Variants in COL2A1 observed in about 807,000 individuals in gnomAD.
COL2A1 encodes the protein collagen type II alpha 1 chain.
In COL2A1, 28 loss-of-function variants were observed where a neutral mutation model predicts 204.5. The observed-to-expected ratio is 0.14, with a 90% CI of 0.10 to 0.19. COL2A1 has a LOEUF of 0.19. Ranked by LOEUF, COL2A1 falls within the 10% of genes least tolerant of loss-of-function variation. The pLI, the probability that COL2A1 is intolerant of heterozygous loss-of-function variation, is 1.00. For missense variants in COL2A1, 1,388 were observed against 2,027.5 expected (o/e 0.68, Z 6.06); for synonymous variants, 708 against 718.7 (o/e 0.99, Z 0.24).
intron 29 of COL2A1, 28 bp downstream of exon 29, chr12:47,984,059 C>T: frequency 6.2e-7 from 1 of 1,602,742 alleles, no homozygotes; most frequent in Non-Finnish European, 8.5e-7. Context: ...CCCCCAGGGC[C>T]ACCTGGGGAG....
At chr12:47,981,695 G>A (rs1315712260) in intron 36 of COL2A1, 81 bp downstream of exon 36, 3 of 1,458,344 alleles carry the variant, frequency 2.1e-6, no homozygotes, top group East Asian at 5.0e-5. Context: ...GGGAGGACAA[G>A]ACAGAACCGC....
Position 47,980,798 on chromosome 12 carries a change from G to C in COL2A1, c.2517+117C>G. On this transcript the variant is annotated intron_variant, in intron 38 of 53. Transcript: ENST00000380518. The surrounding 1 kb of genome is among the most constrained non-coding windows in gnomAD (Gnocchi z 4.5). ...TGATGGTTCTATTAGTATGGAGGCG[G>C]GAAAGGAGAGGAGAGGAGCATCCAT... The C allele has an allele frequency of 7.1e-7, 1 of 1,406,992 alleles. No homozygotes were observed. The allele number at this position is 1,406,992 out of a possible 1,614,324, so 87.2% of individuals were successfully genotyped here.
chr12:47,985,998 G>A (rs1399417355), intron 23 of COL2A1, 33 bp from the exon 24 acceptor site: 1 of 1,549,396 alleles, frequency 6.5e-7, no homozygotes, highest in African/African-American at 1.4e-5. Context: ...GGCAGTGAGT[G>A]AGAACAGCCC....
At chr12:47,982,277 G>T in intron 34 of COL2A1, 117 bp from the exon 35 acceptor site, 1 of 978,136 alleles carries the variant, frequency 1.0e-6, no homozygotes, top group Non-Finnish European at 1.6e-6. Context: ...AGAGGAATTT[G>T]CTGTGGTCTC....
At chr12:47,997,494 T>C in intron 7 of COL2A1, 112 bp downstream of exon 7, 4 of 1,584,072 alleles carry the variant, frequency 2.5e-6, no homozygotes, top group Non-Finnish European at 3.5e-6. Flanking sequence ...ATGGACAGGC[T>C]ATGTACACAC....
At position 47,976,760 on chromosome 12, in the gene COL2A1, G is replaced by T. The variant is rs1938727165; in HGVS notation, c.3435+52C>A. 1.3e-6 allele frequency: 2 copies of T among 1,531,014 alleles called. No individual in the cohort carries two copies. The highest frequency in any genetic ancestry group is 1.2e-5 in the South Asian group (1 of 86,912). 94.8% of individuals were successfully genotyped at this position (1,531,014 alleles called of 1,614,324 possible). A position where few individuals can be genotyped will look rare whatever the true frequency, so the allele number is the denominator to read the frequency against. On this transcript the variant is annotated intron_variant, in intron 48 of 53. Coordinates refer to ENST00000380518, the MANE Select transcript of COL2A1 (RefSeq NM_001844.5). This position sits in a 1 kb window ranked among gnomAD's most constrained non-coding sequence, Gnocchi z 4.3. ...CTGGCAGCACAGGGAGCTCAAGTGGGCTCTGTGTGGCAGGAGGCCTCGGGA... is the reference window on the plus strand; with the variant it reads ...CTGGCAGCACAGGGAGCTCAAGTGGTCTCTGTGTGGCAGGAGGCCTCGGGA...
chr12:47,994,522 T>C, intron 11 of COL2A1, 45 bp from the exon 12 acceptor site: 1 of 1,607,840 alleles, frequency 6.2e-7, no homozygotes, highest in Non-Finnish European at 8.5e-7. Context: ...AGAGACGCAG[T>C]AGCATAGTGG....
At chr12:47,982,661 C>T in intron 33 of COL2A1, 52 bp from the exon 34 acceptor site, 1 of 1,317,634 alleles carries the variant, frequency 7.6e-7, no homozygotes, top group Non-Finnish European at 1.0e-6. Context: ...TCTCCCTGAA[C>T]CCATGTTCAT....
chr12:47,997,485 T>C, intron 7 of COL2A1, 121 bp downstream of exon 7: 1 of 1,559,304 alleles, frequency 6.4e-7, no homozygotes, highest in South Asian at 1.1e-5. Context: ...GCAAAGCCCA[T>C]GGACAGGCTA....
At chr12:47,982,726 G>T in intron 33 of COL2A1, 117 bp from the exon 34 acceptor site, 2 of 1,238,342 alleles carry the variant, frequency 1.6e-6, no homozygotes, top group Non-Finnish European at 2.3e-6. Flanking sequence ...CTCCCATGTA[G>T]ACCTCCTTTC....
At position 47,974,265 on chromosome 12, in the gene COL2A1, G is replaced by A. The variant is rs376274467; in HGVS notation, c.4141C>T (p.Leu1381=). 1 of 1,614,136 alleles carries A rather than the reference G, an allele frequency of 6.2e-7. No individual in the cohort carries two copies. Among genetic ancestry groups the A allele is most frequent in the African/African-American group, 1.3e-5 (1 of 74,950 alleles). The part of the protein sequence containing the change: ...ANVQMTFLRL[L]STEGSQNITY... ...ATGTTCTGGGAGCCTTCCGTGGACA[G>A]CAGGCGTAGGAAGGTCATCTGGACG... The change falls in exon 53 of 54, where the codon CTG becomes TTG. Residue 1381 remains leucine, a synonymous_variant. Coordinates refer to ENST00000380518, the MANE Select transcript of COL2A1 (RefSeq NM_001844.5).
At chr12:47,983,342 T>C in intron 31 of COL2A1, 43 bp downstream of exon 31, 1 of 1,604,464 alleles carries the variant, frequency 6.2e-7, no homozygotes, top group South Asian at 1.1e-5. Flanking sequence ...GAAAAGACCT[T>C]CCCATCTAAA....
intron 22 of COL2A1, 98 bp from the exon 23 acceptor site, chr12:47,986,541 T>G: frequency 4.2e-6 from 3 of 714,074 alleles, no homozygotes; most frequent in Non-Finnish European, 7.3e-6. Flanking sequence ...GGCAACTGTT[T>G]CAGGGCTGGG....
chr12:47,992,628 G>A (rs1357455165), intron 16 of COL2A1, among the ~76,000 whole-genome samples: 1 of 152,110 alleles, frequency 6.6e-6, no homozygotes, highest in African/African-American at 2.4e-5. Flanking sequence ...GTTGTTGAAG[G>A]GATTACCTGA....
rs748708779 is a variant in COL2A1, at chr12:47,982,583, A to C, written c.2220T>G (p.Pro740=). ...PKGASGPAGP[P]GAQGPPGLQG... is the part of the protein sequence containing the mutation. ...GAAGACCTGGAGGGCCCTGAGCCCC[A>C]GGGGGGCCTGCTGGGCCAGATGCAC... Residue 740 remains proline, a synonymous_variant, in exon 34 of 54, where the codon CCT becomes CCG. Coordinates refer to ENST00000380518, the MANE Select transcript of COL2A1 (RefSeq NM_001844.5). The C allele has an allele frequency of 3.7e-6, 6 of 1,613,252 alleles. No homozygotes were observed. The highest frequency in any genetic ancestry group is 2.5e-6 in the Non-Finnish European group (3 of 1,179,814).
At position 47,995,243 on chromosome 12, in the gene COL2A1, G is replaced by A. The variant is rs201551764; in HGVS notation, c.762+12C>T. The A allele has an allele frequency of 1.1e-5, 18 of 1,610,938 alleles. No homozygotes were observed. The highest frequency in any genetic ancestry group is 1.4e-5 in the Non-Finnish European group (17 of 1,177,076). On this transcript the variant is annotated intron_variant, in intron 11 of 53. Coordinates refer to ENST00000380518, the MANE Select transcript of COL2A1 (RefSeq NM_001844.5). Reference sequence around the variant, plus strand: ...GAGGCAGCTCCTCATTTGTCTACTCGTGTATACTCACATCATCACCAGGCT... The same window carrying A: ...GAGGCAGCTCCTCATTTGTCTACTCATGTATACTCACATCATCACCAGGCT...
intron 10 of COL2A1, 21 bp downstream of exon 10, chr12:47,995,689 C>G (rs1454440703): frequency 6.8e-6 from 11 of 1,613,218 alleles, no homozygotes; most frequent in Non-Finnish European, 8.5e-6. Context: ...AGAGAAGGGA[C>G]AGGGCCGTGC....
At position 47,987,585 on chromosome 12, in the gene COL2A1, C is replaced by T. The variant is rs376821382; in HGVS notation, c.1221+26G>A. 1 of 1,591,514 alleles carries T rather than the reference C, an allele frequency of 6.3e-7. No individual in the cohort carries two copies. The highest frequency in any genetic ancestry group is 8.6e-7 in the Non-Finnish European group (1 of 1,163,902). On this transcript the variant is annotated intron_variant, in intron 19 of 53. Transcript: ENST00000380518. This position sits in a 1 kb window ranked among gnomAD's most constrained non-coding sequence, Gnocchi z 4.1. ...CCAAAGCCACAGACCCCAGACCCCC[C>T]CAGGCCAAAGAGAAGCTGCACTTAC... is the stretch of plus-strand genomic sequence containing the variant.
chr12:47,976,389 C>G lies in COL2A1; in HGVS notation c.3489+125G>C, dbSNP rs936965187. On this transcript the variant is annotated intron_variant, in intron 49 of 53. Transcript: ENST00000380518. The surrounding 1 kb of genome is among the most constrained non-coding windows in gnomAD (Gnocchi z 4.3). ...TAGGCACATGAGCCAGTCCTGCCCCCATTACTGAGTGAGGACCCCTGAGCC... is the reference window on the plus strand; with the variant it reads ...TAGGCACATGAGCCAGTCCTGCCCCGATTACTGAGTGAGGACCCCTGAGCC... 4.6e-6 allele frequency: 5 copies of G among 1,081,726 alleles called. No homozygotes were observed. Among genetic ancestry groups the G allele is most frequent in the African/African-American group, 1.6e-5 (1 of 64,262 alleles). The allele number at this position is 1,081,726 out of a possible 1,614,324, so 67.0% of individuals were successfully genotyped here.
Sources: gnomAD v4.1 joint callset for allele counts (sites outside exome capture counted in the v4.1 genomes callset) on GRCh38, gnomAD v4.1.1 for gene constraint, Gnocchi (gnomAD v3.1) non-coding constraint, MANE v1.5 for transcripts, NCBI Gene and HGNC (gene_info 2026-07-23, HGNC 2026-07-21) for gene names.